DNAH14: variants seen among roughly 807,000 people sequenced by gnomAD.
DNAH14 encodes the protein dynein axonemal heavy chain 14.
DNAH14 carries 478 observed loss-of-function variants against 520.9 expected under a neutral mutation model. That is an observed-to-expected ratio of 0.92 (90% CI 0.85 to 0.99). The LOEUF is 0.99. DNAH14 is among the 50% of genes least tolerant of loss of function. The pLI is 0.00. For missense variants in DNAH14, 4,831 were observed against 5,234.5 expected (o/e 0.92, Z 2.38); for synonymous variants, 1,581 against 1,757.2 (o/e 0.90, Z 2.51).
intron 23 of DNAH14, among the ~76,000 whole-genome samples, chr1:225,101,375 C>A (rs1234231231): frequency 6.6e-6 from 1 of 151,998 alleles, no homozygotes; most frequent in Admixed American, 6.6e-5. Flanking sequence ...CAATGATAAT[C>A]TTTTAGTTAT....
rs1031767696 is a variant in DNAH14, at chr1:225,228,610, G to C, written c.6440-2463G>C. Reference sequence around the variant, plus strand: ...TCCTGGATAGACCCCCCACTCCTGGGGGGGGTCACTTCTTGATTGGAAAAG... The same window carrying C: ...TCCTGGATAGACCCCCCACTCCTGGCGGGGGTCACTTCTTGATTGGAAAAG... On this transcript the variant is annotated intron_variant, in intron 41 of 85. Transcript: ENST00000682510. 3.8e-4 allele frequency among the ~76,000 whole-genome samples: 58 copies of C among 152,078 alleles called. 1 individual carries two copies. Among genetic ancestry groups the C allele is most frequent in the South Asian group, 1.9e-3 (9 of 4,804 alleles).
intron 27 of DNAH14, among the ~76,000 whole-genome samples, chr1:225,128,107 G>C (rs140278801): frequency 6.6e-6 from 1 of 152,050 alleles, no homozygotes; most frequent in African/African-American, 2.4e-5. Flanking sequence ...TCCCTTTGTG[G>C]GTAACCCGAC....
At chr1:225,066,995 G>A (rs1321883924) in intron 17 of DNAH14, among the ~76,000 whole-genome samples, 1 of 152,072 alleles carries the variant, frequency 6.6e-6, no homozygotes, top group African/African-American at 2.4e-5. Flanking sequence ...AAGTTCAGGG[G>A]AACATGTGCA....
At chr1:224,929,963 T>A in intron 1 of DNAH14, 128 bp downstream of exon 1, 1 of 497,832 alleles carries the variant, frequency 2.0e-6, no homozygotes, top group South Asian at 2.7e-5. Context: ...CCCACCCAGC[T>A]GCTGTGGGAG....
chr1:225,106,396 T>C (rs2076049010), intron 23 of DNAH14, among the ~76,000 whole-genome samples: 1 of 151,970 alleles, frequency 6.6e-6, no homozygotes, highest in Admixed American at 6.5e-5. Flanking sequence ...CTTTGTGGCG[T>C]TCTCTGTATT....
chr1:225,208,598 T>C (rs1000875578), intron 41 of DNAH14, among the ~76,000 whole-genome samples: 3 of 151,940 alleles, frequency 2.0e-5, no homozygotes, highest in Admixed American at 6.6e-5. Context: ...TAAAAATAAA[T>C]AGAGGGGAAG....
At chr1:225,002,503 T>C (rs930504961) in intron 8 of DNAH14, among the ~76,000 whole-genome samples, 5 of 152,138 alleles carry the variant, frequency 3.3e-5, no homozygotes, top group African/African-American at 1.2e-4. Flanking sequence ...TACTTCCTCA[T>C]ATTTCAAAAT....
At chr1:225,235,852 G>C (rs2091536344) in intron 42 of DNAH14, among the ~76,000 whole-genome samples, 1 of 152,090 alleles carries the variant, frequency 6.6e-6, no homozygotes, top group African/African-American at 2.4e-5. Flanking sequence ...TTCTCCAATG[G>C]TTGGTTGTAT....
intron 71 of DNAH14, among the ~76,000 whole-genome samples, chr1:225,348,757 C>T (rs1030641642): frequency 2.0e-5 from 3 of 152,192 alleles, no homozygotes; most frequent in Non-Finnish European, 4.4e-5. Flanking sequence ...GGATAATACA[C>T]AGTAACATGA....
At chr1:224,931,681 C>A (rs2058708317) in intron 1 of DNAH14, among the ~76,000 whole-genome samples, 1 of 152,102 alleles carries the variant, frequency 6.6e-6, no homozygotes, top group Admixed American at 6.5e-5. Context: ...TTTTGTAGCT[C>A]CCACATATAA....
intron 71 of DNAH14, among the ~76,000 whole-genome samples, chr1:225,348,692 C>T (rs1435867188): frequency 6.6e-6 from 1 of 152,006 alleles, no homozygotes; most frequent in Admixed American, 6.6e-5. Context: ...AGTTTATTAC[C>T]ACTAGAACTG....
At chr1:225,082,449 T>G in intron 19 of DNAH14, 100 bp from the exon 20 acceptor site, 1 of 970,532 alleles carries the variant, frequency 1.0e-6, no homozygotes, top group Non-Finnish European at 1.4e-6. Context: ...TAAAGTAGTT[T>G]TTAACAAATT....
At position 224,929,813 on chromosome 1, in the gene DNAH14, G is replaced by A. The variant is rs1276980502; in HGVS notation, c.-56G>A. ...GCCGCTTCCAGGAAGGGCCACAACG[G>A]CCGTCGGACCACGGCGCGGCGGGTA... On this transcript the variant is annotated 5_prime_UTR_variant, in exon 1 of 86. Transcript: ENST00000682510. 4.3e-6 allele frequency: 3 copies of A among 695,340 alleles called. No individual in the cohort carries two copies. The highest frequency in any genetic ancestry group is 1.8e-5 in the African/African-American group (1 of 56,928). 43.1% of individuals were successfully genotyped at this position (695,340 alleles called of 1,614,324 possible). A position where few individuals can be genotyped will look rare whatever the true frequency, so the allele number is the denominator to read the frequency against.
In DNAH14 at chr1:225,370,669, G is replaced by A. The variant is rs112153212; in HGVS notation, c.12318+2637G>A. On this transcript the variant is annotated intron_variant, in intron 77 of 85. Coordinates refer to ENST00000682510, the MANE Select transcript of DNAH14 (RefSeq NM_001367479.1). ...CTCCAGTATTAAAGAAAACATACAG[G>A]AAATAAATATCCATCTTAAGAAATT... Among the ~76,000 whole-genome samples, 228 of 151,688 alleles carry A rather than the reference G, an allele frequency of 1.5e-3. 1 individual carries two copies. The highest frequency in any genetic ancestry group is 5.0e-3 in the African/African-American group (207 of 41,412).
At chr1:225,309,147 T>G (rs1423839543) in intron 60 of DNAH14, among the ~76,000 whole-genome samples, 1 of 152,190 alleles carries the variant, frequency 6.6e-6, no homozygotes, top group African/African-American at 2.4e-5. Context: ...AAATAGTCCT[T>G]TCAGTTATTT....
At chr1:225,110,259 GTTC>G (rs1279529949) in intron 23 of DNAH14, among the ~76,000 whole-genome samples, 8 of 152,026 alleles carry the variant, frequency 5.3e-5, no homozygotes, top group Admixed American at 2.0e-4. Flanking sequence ...ATTGGTATTA[GTTC>G]TTCTTTAAAT....
intron 21 of DNAH14, among the ~76,000 whole-genome samples, chr1:225,086,561 GGA>G (rs2073829745): frequency 6.6e-6 from 1 of 151,812 alleles, no homozygotes; most frequent in Non-Finnish European, 1.5e-5. Context: ...AAATAGATGG[GGA>G]GAGAGAGAAA....
At chr1:225,233,307 T>C (rs3011691) in intron 42 of DNAH14, among the ~76,000 whole-genome samples, 48,676 of 152,038 alleles carry the variant, frequency 0.32, 9,077 homozygotes, top group East Asian at 0.61. Context: ...ATTTATATTC[T>C]TCTGGGTATA....
chr1:225,229,222 A>C (rs995613510), intron 41 of DNAH14, among the ~76,000 whole-genome samples: 1 of 152,178 alleles, frequency 6.6e-6, no homozygotes, highest in Non-Finnish European at 1.5e-5. Context: ...CCGTGTCCAC[A>C]TACTTCTTTC....
Sources: gnomAD v4.1 joint callset for allele counts (sites outside exome capture counted in the v4.1 genomes callset) on GRCh38, gnomAD v4.1.1 for gene constraint, MANE v1.5 for transcripts, NCBI Gene and HGNC (gene_info 2026-07-23, HGNC 2026-07-21) for gene names.